Variants in UGT2B4 observed in about 807,000 individuals in gnomAD.
UGT2B4 encodes the protein UDP glucuronosyltransferase family 2 member B4.
In UGT2B4, 49 loss-of-function variants were observed where a neutral mutation model predicts 49.8. That is an observed-to-expected ratio of 0.98 (90% CI 0.78 to 1.25). UGT2B4 has a LOEUF of 1.25. Ranked by LOEUF, UGT2B4 falls within the 50% of genes most tolerant of loss-of-function variation. The pLI is 0.00. For synonymous variants in UGT2B4, 246 were observed against 217.7 expected (o/e 1.13, Z -1.14); for missense variants, 729 against 627.7 (o/e 1.16, Z -1.73).
At chr4:69,500,402 C>A (rs1282122696), upstream of UGT2B4, among the ~76,000 whole-genome samples, 3 of 147,116 alleles carry the variant, frequency 2.0e-5, no homozygotes, top group Non-Finnish European at 3.0e-5. Context: ...TAAGACAAAA[C>A]AAATACAATG....
chr4:69,494,258 T>C (rs1728079413), intron 1 of UGT2B4, among the ~76,000 whole-genome samples: 1 of 152,180 alleles, frequency 6.6e-6, no homozygotes, highest in Non-Finnish European at 1.5e-5. Flanking sequence ...TAATTTCCCA[T>C]TCATTAATCT....
At position 69,480,254 on chromosome 4, in the gene UGT2B4, A is replaced by G. The variant is rs1727542787; in HGVS notation, c.*380T>C. 5.7e-6 allele frequency: 1 copy of G among 174,650 alleles called. No homozygotes were observed. The highest frequency in any genetic ancestry group is 2.4e-5 in the African/African-American group (1 of 41,904). 10.8% of individuals were successfully genotyped at this position (174,650 alleles called of 1,614,324 possible). ...GATCCAAAGTATGCTGAGTATTTGCAAAACAGTACTGATACTGTCAGTGGA... is the reference window on the plus strand; with the variant it reads ...GATCCAAAGTATGCTGAGTATTTGCGAAACAGTACTGATACTGTCAGTGGA... On this transcript the variant is annotated 3_prime_UTR_variant, in exon 6 of 6. Coordinates refer to ENST00000305107, the MANE Select transcript of UGT2B4 (RefSeq NM_021139.3).
At chr4:69,525,558 G>T in intron 1 of UGT2B4, 3 of 280,104 alleles carry the variant, frequency 1.1e-5, no homozygotes, top group East Asian at 1.7e-4. Context: ...TAAATTTTTG[G>T]AGACTCATTT....
intron 4 of UGT2B4, 68 bp downstream of exon 4, chr4:69,486,540 TC>T: frequency 9.4e-7 from 1 of 1,059,606 alleles, no homozygotes; most frequent in Non-Finnish European, 1.3e-6. Flanking sequence ...TAAGCTTGTT[TC>T]ATGATAACTA....
intron 1 of UGT2B4, among the ~76,000 whole-genome samples, chr4:69,524,010 C>T (rs965738214): frequency 1.3e-5 from 2 of 152,074 alleles, no homozygotes; most frequent in African/African-American, 4.8e-5. Flanking sequence ...TCAGGCTTCA[C>T]ATATTCAAAA....
chr4:69,514,977 T>A (rs1728695450), intron 1 of UGT2B4, among the ~76,000 whole-genome samples: 1 of 152,200 alleles, frequency 6.6e-6, no homozygotes, highest in African/African-American at 2.4e-5. Context: ...GATCTATCTA[T>A]CCTAAGTACA....
At chr4:69,524,282 C>T (rs35368658) in intron 1 of UGT2B4, among the ~76,000 whole-genome samples, 53,415 of 151,824 alleles carry the variant, frequency 0.35, 9,510 homozygotes, top group Non-Finnish European at 0.37. Context: ...TAATAATTTC[C>T]GACTTTTGAT....
At position 69,519,845 on chromosome 4, in the gene UGT2B4, A is replaced by T. The variant is rs115700957; in HGVS notation, c.-106+5842T>A. Among the ~76,000 whole-genome samples, 593 of 152,350 alleles carry T rather than the reference A, an allele frequency of 3.9e-3. 5 individuals carry two copies. The highest frequency in any genetic ancestry group is 0.013 in the African/African-American group (544 of 41,594). The stretch of plus-strand genomic sequence containing the variant: ...TGCTTCCTCTGCCCGTTCAATATTA[A>T]CATGTGTAAAACTGCAGATTCACTT... On this transcript the variant is annotated intron_variant, in intron 1 of 1. Coordinates refer to the UGT2B4 transcript ENST00000510114.
At chr4:69,520,973 C>T (rs977907915) in intron 1 of UGT2B4, among the ~76,000 whole-genome samples, 4 of 152,144 alleles carry the variant, frequency 2.6e-5, no homozygotes, top group African/African-American at 9.7e-5. Flanking sequence ...TCCATGCCCA[C>T]TCATGTTCAG....
chr4:69,523,832 C>T (rs931776581), intron 1 of UGT2B4, among the ~76,000 whole-genome samples: 1 of 152,134 alleles, frequency 6.6e-6, no homozygotes, highest in African/African-American at 2.4e-5. Flanking sequence ...TGTTAATCTT[C>T]ACCAATTATC....
intron 2 of UGT2B4, among the ~76,000 whole-genome samples, chr4:69,491,673 C>T (rs930812741): frequency 4.6e-5 from 7 of 152,134 alleles, no homozygotes; most frequent in Non-Finnish European, 8.8e-5. Context: ...GTAATTATCA[C>T]ATGTACTACG....
In UGT2B4 at chr4:69,485,301, A is replaced by G. The variant is rs370472636; in HGVS notation, c.1217T>C (p.Met406Thr). 5 of 1,613,896 alleles carry G rather than the reference A, an allele frequency of 3.1e-6. No individual in the cohort carries two copies. The highest frequency in any genetic ancestry group is 4.2e-6 in the Non-Finnish European group (5 of 1,179,952). The change falls in exon 5 of 6, where the codon ATG becomes ACG. Residue 406 changes from methionine to threonine, a missense_variant. Transcript: ENST00000305107. ...FADQPDNIAHMKAKGAAVSLD... is the reference protein window; with the variant it reads ...FADQPDNIAHTKAKGAAVSLD... ...ACTAACAGCTGCTCCCTTGGCCTTCATGTGTGCAATGTTATCAGGTTGATC... is the reference window on the plus strand; with the variant it reads ...ACTAACAGCTGCTCCCTTGGCCTTCGTGTGTGCAATGTTATCAGGTTGATC...
intron 1 of UGT2B4, among the ~76,000 whole-genome samples, chr4:69,512,987 T>A (rs754599595): frequency 2.0e-5 from 3 of 152,144 alleles, no homozygotes; most frequent in Non-Finnish European, 2.9e-5. Flanking sequence ...ATATGAGAAC[T>A]TTGTCAGGTG....
rs189611679 is a variant in UGT2B4, at chr4:69,487,799, T to C, written c.1003-1103A>G. On this transcript the variant is annotated intron_variant, in intron 3 of 5. Coordinates refer to ENST00000305107, the MANE Select transcript of UGT2B4 (RefSeq NM_021139.3). ...TAAAAAATTTTAATAATTATATGCA[T>C]TAAAAATTTTAGGTAGTCATAATTC... 1.3e-3 allele frequency among the ~76,000 whole-genome samples: 203 copies of C among 152,184 alleles called. 2 individuals are homozygous for C. Among genetic ancestry groups the C allele is most frequent in the Non-Finnish European group, 2.0e-3 (133 of 67,980 alleles).
At position 69,491,259 on chromosome 4, in the gene UGT2B4, C is replaced by T. The variant is rs191307822; in HGVS notation, c.871-1689G>A. Among the ~76,000 whole-genome samples, 433 of 151,784 alleles carry T rather than the reference C, an allele frequency of 2.9e-3. 7 individuals carry two copies. The highest frequency in any genetic ancestry group is 2.3e-3 in the South Asian group (11 of 4,812). Reference sequence around the variant, plus strand: ...TTACTTGTATTATAGCTGACTGTAACTGAATATTTTATTGATAAAATTATT... The same window carrying T: ...TTACTTGTATTATAGCTGACTGTAATTGAATATTTTATTGATAAAATTATT... On this transcript the variant is annotated intron_variant, in intron 2 of 5. Coordinates refer to ENST00000305107, the MANE Select transcript of UGT2B4 (RefSeq NM_021139.3).
rs943210727 is a variant in UGT2B4 at position 69,495,311 on chromosome 4, C to T, written c.551G>A (p.Ser184Asn). 1.2e-6 allele frequency: 2 copies of T among 1,613,034 alleles called. No individual in the cohort carries two copies. The highest frequency in any genetic ancestry group is 1.7e-6 in the Non-Finnish European group (2 of 1,179,616). Reference protein sequence around the residue: ...FSPGYAIEKHSGGLLFPPSYV... With the variant: ...FSPGYAIEKHNGGLLFPPSYV... ...GGAAGGAGGGAACAGAAGTCCTCCA[C>T]TATGCTTTTCAATTGCGTAGCCAGG... The change falls in exon 1 of 6, where the codon AGT (serine) becomes AAT (asparagine). Residue 184 changes from serine to asparagine, a missense_variant. By Grantham distance (46) the Ser-to-Asn change is conservative. Coordinates refer to ENST00000305107, the MANE Select transcript of UGT2B4 (RefSeq NM_021139.3).
At position 69,510,444 on chromosome 4, in the gene UGT2B4, G is replaced by T. The variant is rs866827163; in HGVS notation, c.-105-14478C>A. ...AGGAATTATATTGAATTAGTGAATT[G>T]CTTTAGATAGCATGAATGTTTAAAC... On this transcript the variant is annotated intron_variant, in intron 1 of 1. Transcript: ENST00000510114. 5.3e-5 allele frequency among the ~76,000 whole-genome samples: 8 copies of T among 152,126 alleles called. 1 individual carries two copies. The highest frequency in any genetic ancestry group is 6.8e-3 in the Middle Eastern group (2 of 294).
chr4:69,495,443 A>G lies in UGT2B4; in HGVS notation c.419T>C (p.Leu140Pro). ...AACAACATCAAATCTTGACTCCTGT[A>G]GTTTCTTCATAAGTTTCTTATTTGA... ...IVSNKKLMKK[L>P]QESRFDVVLA... Residue 140 changes from leucine (L) to proline (P), a missense_variant, in exon 1 of 6, where the codon CTA (leucine) becomes CCA (proline). Physicochemically the swap from Leu to Pro is moderately conservative, Grantham distance 98 (BLOSUM62 -3). Transcript: ENST00000305107. 1 of 1,613,760 alleles carries G rather than the reference A, an allele frequency of 6.2e-7. No homozygotes were observed. Among genetic ancestry groups the G allele is most frequent in the Non-Finnish European group, 8.5e-7 (1 of 1,179,864 alleles).
chr4:69,485,106 CT>C, intron 5 of UGT2B4, 101 bp downstream of exon 5: 1 of 1,386,174 alleles, frequency 7.2e-7, no homozygotes, highest in Non-Finnish European at 1.0e-6. Flanking sequence ...CACTTAAATT[CT>C]TTCGAAATCA....
Sources: gnomAD v4.1 joint callset for allele counts (sites outside exome capture counted in the v4.1 genomes callset) on GRCh38, gnomAD v4.1.1 for gene constraint, MANE v1.5 for transcripts, NCBI Gene and HGNC (gene_info 2026-07-23, HGNC 2026-07-21) for gene names.